LANCL2: variants seen among roughly 807,000 people sequenced by gnomAD.
The protein encoded by LANCL2 is LanC like glutathione S-transferase 2.
Under a neutral mutation model 56.9 loss-of-function variants are expected in LANCL2, and 33 were observed. The ratio of observed to expected loss-of-function variants is 0.58; its 90% CI spans 0.44 to 0.78. LANCL2 has a LOEUF of 0.78. LANCL2 is among the 30% of genes least tolerant of loss of function. The pLI, the probability that LANCL2 is intolerant of heterozygous loss-of-function variation, is 0.00. For missense variants in LANCL2, 562 were observed against 580.2 expected (o/e 0.97, Z 0.32); for synonymous variants, 233 against 228.2 (o/e 1.02, Z -0.19).
intron 5 of LANCL2, among the ~76,000 whole-genome samples, chr7:55,411,580 C>G (rs1404556351): frequency 6.6e-6 from 1 of 152,156 alleles, no homozygotes; most frequent in African/African-American, 2.4e-5. Flanking sequence ...GGAAGGAAAT[C>G]AAGTATTGGT....
In LANCL2 at chr7:55,428,383, G is replaced by A. The variant is rs1483402281; in HGVS notation, c.1194G>A (p.Glu398=). ...AATCCCTTTCTTTTCAGTTTGCAGAGTGGTGTCTAGATTACGGAGCACACG... is the reference window on the plus strand; with the variant it reads ...AATCCCTTTCTTTTCAGTTTGCAGAATGGTGTCTAGATTACGGAGCACACG... ...KYLYRACKFA[E]WCLDYGAHGC... Residue 398 remains glutamate (E), a synonymous_variant, in exon 8 of 9, where the codon GAG becomes GAA. Coordinates refer to ENST00000254770, the MANE Select transcript of LANCL2 (RefSeq NM_018697.4). The A allele has an allele frequency of 6.2e-7, 1 of 1,613,928 alleles. No individual in the cohort carries two copies. Among genetic ancestry groups the A allele is most frequent in the East Asian group, 2.2e-5 (1 of 44,902 alleles).
At chr7:55,412,126 G>C (rs1790478474) in intron 6 of LANCL2, 37 bp downstream of exon 6, 1 of 1,574,402 alleles carries the variant, frequency 6.4e-7, no homozygotes. Flanking sequence ...CCCCTGTGTG[G>C]GGAGCCAGGT....
At chr7:55,430,113 T>C (rs1292400844) in intron 8 of LANCL2, among the ~76,000 whole-genome samples, 1 of 152,232 alleles carries the variant, frequency 6.6e-6, no homozygotes, top group Admixed American at 6.5e-5. Context: ...TAGGGCCTCC[T>C]AGGCTTGTTA....
chr7:55,426,651 GA>G (rs1790667575), intron 7 of LANCL2, among the ~76,000 whole-genome samples: 1 of 152,222 alleles, frequency 6.6e-6, no homozygotes, highest in South Asian at 2.1e-4. Context: ...GTCAGCAAGG[GA>G]TGTCTCAGCC....
At chr7:55,378,317 G>A (rs776374536) in intron 1 of LANCL2, among the ~76,000 whole-genome samples, 117 of 151,940 alleles carry the variant, frequency 7.7e-4, no homozygotes, top group Non-Finnish European at 1.3e-3. Context: ...AAAATTAGCC[G>A]GACATGGTGG....
intron 1 of LANCL2, among the ~76,000 whole-genome samples, chr7:55,381,384 G>A (rs1046372011): frequency 2.0e-5 from 3 of 152,208 alleles, no homozygotes; most frequent in African/African-American, 4.8e-5. Context: ...TGAGCCAGAG[G>A]AGGGATCCAA....
intron 5 of LANCL2, among the ~76,000 whole-genome samples, chr7:55,406,311 A>G (rs1299130403): frequency 6.6e-6 from 1 of 152,214 alleles, no homozygotes; most frequent in African/African-American, 2.4e-5. Flanking sequence ...CATGTCCTTC[A>G]TAGGCTGGCC....
Position 55,401,168 on chromosome 7 carries a change from C to T in LANCL2, c.679-6C>T, listed in dbSNP as rs73698399. ...TTAGATTTATGCTGTCTTGTTATCT[C>T]TGTAGGTAGTCAATGCTATTATTGA... is the stretch of plus-strand genomic sequence containing the variant. On this transcript the variant is annotated splice_region_variant and splice_polypyrimidine_tract_variant and intron_variant, in intron 4 of 8. Coordinates refer to ENST00000254770, the MANE Select transcript of LANCL2 (RefSeq NM_018697.4). 15,668 of 1,613,378 alleles carry T rather than the reference C, an allele frequency of 9.7e-3. 1,275 individuals carry two copies. In the African/African-American group the frequency reaches 0.18, roughly 18 times the overall value.
intron 5 of LANCL2, among the ~76,000 whole-genome samples, chr7:55,404,015 G>T (rs1356832979): frequency 1.3e-5 from 2 of 152,172 alleles, no homozygotes; most frequent in African/African-American, 4.8e-5. Context: ...CTTGCTGTCA[G>T]TTGTCTTCTG....
chr7:55,396,815 AT>A (rs1193017817), intron 2 of LANCL2: 4 of 152,158 alleles, frequency 2.6e-5, no homozygotes, highest in Non-Finnish European at 5.9e-5. Context: ...TCAACATCCT[AT>A]TTTTAGAGAT....
chr7:55,410,569 A>C (rs191761472), intron 5 of LANCL2, among the ~76,000 whole-genome samples: 265 of 152,326 alleles, frequency 1.7e-3, no homozygotes, highest in African/African-American at 6.1e-3. Context: ...TTCAGTTTTG[A>C]GAGTACTTTA....
chr7:55,398,625 C>A lies in LANCL2; in HGVS notation c.525C>A (p.Val175=). 6.2e-7 allele frequency: 1 copy of A among 1,611,910 alleles called. No homozygotes were observed. The highest frequency in any genetic ancestry group is 1.7e-5 in the Admixed American group (1 of 60,028). The change falls in exon 3 of 9, where the codon GTC becomes GTA. Residue 175 remains valine (V), a synonymous_variant. Coordinates refer to ENST00000254770, the MANE Select transcript of LANCL2 (RefSeq NM_018697.4). ...LRSDCESQEC[V]TKLLQLQRSV... The stretch of plus-strand genomic sequence containing the variant: ...GTGACTGTGAGTCCCAGGAATGTGT[C>A]ACAAAGTGAGTTTTAGAACTGGAAA...
Position 55,390,372 on chromosome 7 carries a change from G to A in LANCL2, c.205-1421G>A, listed in dbSNP as rs552016122. Among the ~76,000 whole-genome samples the A allele has an allele frequency of 5.9e-5, 9 of 152,290 alleles. No homozygotes were observed. In the South Asian group the frequency reaches 8.3e-4, roughly 14 times the overall value. On this transcript the variant is annotated intron_variant, in intron 1 of 8. Transcript: ENST00000254770. Reference sequence around the variant, plus strand: ...TATAATCCCAGCACTTTGAGAGGCCGAGGTGGGTGGATCACTTGAGGTCAG... The same window carrying A: ...TATAATCCCAGCACTTTGAGAGGCCAAGGTGGGTGGATCACTTGAGGTCAG...
intron 6 of LANCL2, among the ~76,000 whole-genome samples, chr7:55,413,946 T>C (rs1790498574): frequency 6.6e-6 from 1 of 152,170 alleles, no homozygotes; most frequent in Non-Finnish European, 1.5e-5. Context: ...GAAGAGAAGA[T>C]TTGAAATGTT....
chr7:55,401,515 C>CTTT (rs58005456), intron 5 of LANCL2, among the ~76,000 whole-genome samples, 195 bp downstream of exon 5: 4 of 58,052 alleles, frequency 6.9e-5, no homozygotes, highest in African/African-American at 2.1e-4. Context: ...GGTATGGAGT[C>CTTT]TTTTTTTTTT....
chr7:55,416,820 T>G (rs1177654582), intron 6 of LANCL2, among the ~76,000 whole-genome samples: 1 of 152,102 alleles, frequency 6.6e-6, no homozygotes, highest in East Asian at 1.9e-4. Flanking sequence ...TGATAATTAC[T>G]GTCTGTGTTT....
In LANCL2 at chr7:55,431,233, T is replaced by C. The variant is rs1476506213; in HGVS notation, c.1266T>C (p.Ala422=). Residue 422 remains alanine, a synonymous_variant, in exon 9 of 9, where the codon GCT becomes GCC. Transcript: ENST00000254770. ...CCTCATTTTACATTGCAGGCATGGC[T>C]GGCGCTATTCACTTTCTCTCTGATG... is the stretch of plus-strand genomic sequence containing the variant. ...DRPYSLFEGM[A]GAIHFLSDVL... 1.2e-6 allele frequency: 2 copies of C among 1,612,542 alleles called. No homozygotes were observed. The highest frequency in any genetic ancestry group is 4.5e-5 in the East Asian group (2 of 44,888).
At chr7:55,389,345 C>T (rs538113446) in intron 1 of LANCL2, among the ~76,000 whole-genome samples, 1 of 152,260 alleles carries the variant, frequency 6.6e-6, no homozygotes, top group African/African-American at 2.4e-5. Context: ...GAGGGTTCCG[C>T]TTATGTCCAC....
In LANCL2 at chr7:55,421,270, C is replaced by CTT. The variant is rs34722633; in HGVS notation, c.1009-3973_1009-3972dup. Among the ~76,000 whole-genome samples the CTT allele has an allele frequency of 4.5e-4, 58 of 130,242 alleles. 1 individual carries two copies. Among genetic ancestry groups the CTT allele is most frequent in the Middle Eastern group, 4.0e-3 (1 of 250 alleles). 85.4% of individuals were successfully genotyped at this position (130,242 alleles called of 152,430 possible). A position where few individuals can be genotyped will look rare whatever the true frequency, so the allele number is the denominator to read the frequency against. ...CCTCCCTCTACTTTTTCTTTCCTGCCTTTTTTTTTTTTAGGGAGGTAGAGA... is the reference window on the plus strand; with the variant it reads ...CCTCCCTCTACTTTTTCTTTCCTGCCTTTTTTTTTTTTTTAGGGAGGTAGAGA... On this transcript the variant is annotated intron_variant, in intron 6 of 8. Coordinates refer to ENST00000254770, the MANE Select transcript of LANCL2 (RefSeq NM_018697.4).
Sources: allele counts gnomAD v4.1 joint callset (sites outside exome capture counted in the v4.1 genomes callset), GRCh38; gene constraint gnomAD v4.1.1; transcripts MANE v1.5; gene names NCBI Gene and HGNC (gene_info 2026-07-23, HGNC 2026-07-21).